Variants in CACNB4 observed in about 807,000 individuals in gnomAD.
CACNB4 encodes the protein voltage-dependent L-type calcium channel subunit beta-4.
CACNB4 carries 32 observed loss-of-function variants against 71.2 expected under a neutral mutation model. That is an observed-to-expected ratio of 0.45 (90% confidence interval 0.34 to 0.60). The LOEUF is 0.60. Ranked by LOEUF, CACNB4 falls within the 20% of genes least tolerant of loss-of-function variation. The pLI is 0.01. For synonymous variants in CACNB4, 231 were observed against 236.9 expected (o/e 0.97, Z 0.23); for missense variants, 464 against 647.9 (o/e 0.72, Z 3.08).
Position 152,098,228 on chromosome 2 carries a change from T to C in CACNB4, c.147+102A>G. On this transcript the variant is annotated intron_variant, in intron 2 of 13. Coordinates refer to ENST00000539935, the MANE Select transcript of CACNB4 (RefSeq NM_000726.5). The surrounding 1 kb of genome is among the most constrained non-coding windows in gnomAD (Gnocchi z 5.3). The stretch of plus-strand genomic sequence containing the variant: ...GGCCGGGAAGAGACGCGCGCGGGCT[T>C]GACCCGCAGCTCCCGCACGTGTGGG... The C allele has an allele frequency of 1.1e-6, 1 of 891,114 alleles. No homozygotes were observed. The highest frequency in any genetic ancestry group is 1.8e-6 in the Non-Finnish European group (1 of 548,636). 55.2% of individuals were successfully genotyped at this position (891,114 alleles called of 1,614,324 possible).
chr2:152,001,627 C>T (rs1455214030), intron 2 of CACNB4, among the ~76,000 whole-genome samples: 3 of 148,146 alleles, frequency 2.0e-5, no homozygotes, highest in East Asian at 3.9e-4. Flanking sequence ...GCAGGAGAAT[C>T]GCTTGAACCT....
At chr2:152,013,595 G>C (rs1246707973) in intron 2 of CACNB4, among the ~76,000 whole-genome samples, 1 of 152,040 alleles carries the variant, frequency 6.6e-6, no homozygotes, top group Non-Finnish European at 1.5e-5. Flanking sequence ...ATACGCAGGG[G>C]GCCAAATTGA....
chr2:152,085,363 A>G (rs1429175849), intron 2 of CACNB4, among the ~76,000 whole-genome samples: 4 of 152,212 alleles, frequency 2.6e-5, no homozygotes, highest in African/African-American at 9.6e-5. Flanking sequence ...CCCATAATGT[A>G]TGAATGAATA....
intron 2 of CACNB4, among the ~76,000 whole-genome samples, chr2:151,885,132 C>T (rs778203243): frequency 2.5e-4 from 38 of 152,262 alleles, no homozygotes; most frequent in East Asian, 1.9e-4. Flanking sequence ...TCCTGGTTAG[C>T]GGTTTTATCA....
intron 2 of CACNB4, among the ~76,000 whole-genome samples, chr2:151,893,740 C>A (rs987887725): frequency 6.6e-6 from 1 of 152,050 alleles, no homozygotes; most frequent in Non-Finnish European, 1.5e-5. Flanking sequence ...AATCTGACTA[C>A]ATAAAAATCT....
At chr2:152,052,739 G>C (rs1035406923) in intron 2 of CACNB4, among the ~76,000 whole-genome samples, 3 of 152,188 alleles carry the variant, frequency 2.0e-5, no homozygotes, top group African/African-American at 2.4e-5. Context: ...CAGCACTTTG[G>C]GGGGCTGAGG....
intron 2 of CACNB4, among the ~76,000 whole-genome samples, chr2:152,050,155 AC>A (rs1268941209): frequency 6.6e-6 from 1 of 152,250 alleles, no homozygotes; most frequent in Non-Finnish European, 1.5e-5. Context: ...TTCCAAAGTG[AC>A]ATAGTGTGCT....
chr2:151,839,360 C>A lies in CACNB4; in HGVS notation c.1322G>T (p.Ser441Ile). 1 of 1,609,832 alleles carries A rather than the reference C, an allele frequency of 6.2e-7. No individual in the cohort carries two copies. Among genetic ancestry groups the A allele is most frequent in the Non-Finnish European group, 8.5e-7 (1 of 1,176,404 alleles). ...SGLQSQRMRH[S>I]NHSTENSPIE... ...TGGAGAGTTCTCTGTGGAGTGGTTGCTGTGCCTCATTCGCTGACTCTAAAA... is the reference window on the plus strand; with the variant it reads ...TGGAGAGTTCTCTGTGGAGTGGTTGATGTGCCTCATTCGCTGACTCTAAAA... The change falls in exon 14 of 14, where the codon AGC (serine) becomes ATC (isoleucine). Residue 441 changes from serine to isoleucine, a missense_variant. Coordinates refer to ENST00000539935, the MANE Select transcript of CACNB4 (RefSeq NM_000726.5).
chr2:151,988,837 T>A (rs1681525218), intron 2 of CACNB4, among the ~76,000 whole-genome samples: 1 of 152,156 alleles, frequency 6.6e-6, no homozygotes, highest in Non-Finnish European at 1.5e-5. Context: ...TTTCAACCTA[T>A]GAACTGGGGA....
intron 2 of CACNB4, among the ~76,000 whole-genome samples, chr2:151,978,768 C>T (rs1303776764): frequency 3.3e-5 from 5 of 152,268 alleles, no homozygotes; most frequent in African/African-American, 1.2e-4. Flanking sequence ...GCCCCTGATG[C>T]CGGCCTGGTC....
chr2:151,909,450 CA>C (rs11324988), intron 2 of CACNB4, among the ~76,000 whole-genome samples: 75,756 of 105,604 alleles, frequency 0.72, 23,714 homozygotes, highest in African/African-American at 0.87. Context: ...AGGAAAAAAA[CA>C]AAAAAAAAAA....
intron 4 of CACNB4, among the ~76,000 whole-genome samples, chr2:151,878,628 A>C (rs55753727): frequency 0.017 from 2,584 of 151,654 alleles, 73 homozygotes; most frequent in African/African-American, 0.06. Context: ...GTACTACACA[A>C]TACTACACCA....
intron 2 of CACNB4, chr2:151,968,974 A>G (rs1046920630): frequency 2.0e-5 from 3 of 152,268 alleles, no homozygotes; most frequent in Admixed American, 1.3e-4. Context: ...GCTCCATGCC[A>G]ATTATATCTA....
intron 2 of CACNB4, among the ~76,000 whole-genome samples, chr2:152,091,858 A>G (rs1490307543): frequency 6.6e-6 from 1 of 152,230 alleles, no homozygotes; most frequent in Admixed American, 6.5e-5. Flanking sequence ...GAAGCTAACC[A>G]AGCAAACAAA....
chr2:151,887,830 AT>A (rs2099849750), intron 2 of CACNB4, among the ~76,000 whole-genome samples: 1 of 152,176 alleles, frequency 6.6e-6, no homozygotes, highest in African/African-American at 2.4e-5. Flanking sequence ...TTTCAACATC[AT>A]GGGGGAAATT....
At chr2:152,032,328 C>T (rs927018286) in intron 2 of CACNB4, among the ~76,000 whole-genome samples, 1 of 152,210 alleles carries the variant, frequency 6.6e-6, no homozygotes, top group Non-Finnish European at 1.5e-5. Context: ...TCTCCTGACT[C>T]TCAGTGTAAC....
In CACNB4 at chr2:152,098,235, C is replaced by T; in HGVS notation, c.147+95G>A. On this transcript the variant is annotated intron_variant, in intron 2 of 13. Coordinates refer to ENST00000539935, the MANE Select transcript of CACNB4 (RefSeq NM_000726.5). The surrounding 1 kb of genome is among the most constrained non-coding windows in gnomAD (Gnocchi z 5.3). Reference sequence around the variant, plus strand: ...AAGAGACGCGCGCGGGCTTGACCCGCAGCTCCCGCACGTGTGGGCCACGGC... The same window carrying T: ...AAGAGACGCGCGCGGGCTTGACCCGTAGCTCCCGCACGTGTGGGCCACGGC... 1 of 956,104 alleles carries T rather than the reference C, an allele frequency of 1.0e-6. No homozygotes were observed. Among genetic ancestry groups the T allele is most frequent in the South Asian group, 1.4e-5 (1 of 72,088 alleles). The allele number at this position is 956,104 out of a possible 1,614,324, so 59.2% of individuals were successfully genotyped here. A position where few individuals can be genotyped will look rare whatever the true frequency, so the allele number is the denominator to read the frequency against.
At chr2:151,839,449 A>T in intron 13 of CACNB4, 70 bp from the exon 14 acceptor site, 1 of 1,223,534 alleles carries the variant, frequency 8.2e-7, no homozygotes, top group East Asian at 2.3e-5. Context: ...AAATGTATGT[A>T]AAATCATAGG....
chr2:152,074,502 C>A (rs1686885907), intron 2 of CACNB4, among the ~76,000 whole-genome samples: 3 of 151,660 alleles, frequency 2.0e-5, no homozygotes, highest in South Asian at 2.1e-4. Flanking sequence ...TCCGCCATCA[C>A]CACCATTACC....
Sources: gnomAD v4.1 joint callset for allele counts (sites outside exome capture counted in the v4.1 genomes callset) on GRCh38, gnomAD v4.1.1 for gene constraint, Gnocchi (gnomAD v3.1) non-coding constraint, MANE v1.5 for transcripts, NCBI Gene and HGNC (gene_info 2026-07-23, HGNC 2026-07-21) for gene names.